Variants in SHROOM3 observed in about 807,000 individuals in gnomAD.
The protein encoded by SHROOM3 is shroom family member 3.
In SHROOM3, 47 loss-of-function variants were observed where a neutral mutation model predicts 138.6. That is an observed-to-expected ratio of 0.34 (90% CI 0.27 to 0.43). The LOEUF (loss-of-function observed/expected upper bound fraction) is 0.43. Ranked by LOEUF, SHROOM3 falls within the 20% of genes least tolerant of loss-of-function variation. SHROOM3 has a pLI of 1.00. For missense variants in SHROOM3, 2,491 were observed against 2,596.5 expected (o/e 0.96, Z 0.88); for synonymous variants, 1,062 against 1,063.3 (o/e 1.00, Z 0.02).
intron 2 of SHROOM3, among the ~76,000 whole-genome samples, chr4:76,685,461 C>CA (rs1338341635): frequency 6.6e-6 from 1 of 152,082 alleles, no homozygotes; most frequent in African/African-American, 2.4e-5. Context: ...TATCCTGGGC[C>CA]ACATGCGGCC....
chr4:76,763,365 C>T (rs1203309135), intron 9 of SHROOM3, among the ~76,000 whole-genome samples: 4 of 150,898 alleles, frequency 2.7e-5, no homozygotes, highest in Admixed American at 6.6e-5. Context: ...CCAGACTGGG[C>T]GACAGAGCGA....
At chr4:76,526,722 G>A (rs1437194222) in intron 1 of SHROOM3, among the ~76,000 whole-genome samples, 3 of 152,162 alleles carry the variant, frequency 2.0e-5, no homozygotes, top group Non-Finnish European at 4.4e-5. Flanking sequence ...CCTGTCCACT[G>A]GCTTGTTCTA....
intron 1 of SHROOM3, 123 bp downstream of exon 1, chr4:76,436,343 CTGAT>C (rs1425111339): frequency 4.8e-6 from 5 of 1,042,180 alleles, no homozygotes; most frequent in East Asian, 5.1e-5. Flanking sequence ...TCATGCCTTT[CTGAT>C]TATCTAGAAA....
At chr4:76,656,329 C>T (rs764064822) in intron 2 of SHROOM3, among the ~76,000 whole-genome samples, 8 of 152,106 alleles carry the variant, frequency 5.3e-5, no homozygotes, top group Non-Finnish European at 1.2e-4. Flanking sequence ...CAGTTCACAC[C>T]CAGTCCAATT....
intron 1 of SHROOM3, among the ~76,000 whole-genome samples, chr4:76,539,545 T>C (rs1733055283): frequency 6.6e-6 from 1 of 152,236 alleles, no homozygotes; most frequent in Admixed American, 6.5e-5. Context: ...TGAAAGTAGC[T>C]AACATTTATT....
At chr4:76,588,195 G>A (rs1577903055) in intron 2 of SHROOM3, among the ~76,000 whole-genome samples, 1 of 152,160 alleles carries the variant, frequency 6.6e-6, no homozygotes, top group African/African-American at 2.4e-5. Flanking sequence ...GAAAGCCCTT[G>A]TTCAGGTCTG....
At chr4:76,494,927 CA>C in intron 1 of SHROOM3, among the ~76,000 whole-genome samples, 1 of 152,322 alleles carries the variant, frequency 6.6e-6, no homozygotes, top group Non-Finnish European at 1.5e-5. Flanking sequence ...AACAAACAAA[CA>C]AACAAACTCT....
chr4:76,710,846 C>T (rs997303905), intron 3 of SHROOM3, among the ~76,000 whole-genome samples: 11 of 152,114 alleles, frequency 7.2e-5, no homozygotes, highest in African/African-American at 2.7e-4. Flanking sequence ...CGGGCTATCT[C>T]ATTAAATTCT....
chr4:76,705,646 A>G (rs1478507856), intron 2 of SHROOM3, among the ~76,000 whole-genome samples: 1 of 152,248 alleles, frequency 6.6e-6, no homozygotes, highest in Non-Finnish European at 1.5e-5. Flanking sequence ...TTTCTTGTTT[A>G]ACTATCTGGA....
chr4:76,505,481 A>C (rs1732189918), intron 1 of SHROOM3, among the ~76,000 whole-genome samples: 1 of 152,144 alleles, frequency 6.6e-6, no homozygotes, highest in African/African-American at 2.4e-5. Context: ...ATACATCCAT[A>C]CATACAATTG....
chr4:76,766,916 A>G (rs1197785668), intron 9 of SHROOM3, among the ~76,000 whole-genome samples: 2 of 152,184 alleles, frequency 1.3e-5, no homozygotes, highest in African/African-American at 4.8e-5. Context: ...GCAAATATTA[A>G]TAACTTTCCA....
At chr4:76,473,716 G>T (rs779697666) in intron 1 of SHROOM3, among the ~76,000 whole-genome samples, 71 of 152,124 alleles carry the variant, frequency 4.7e-4, no homozygotes, top group Non-Finnish European at 9.3e-4. Flanking sequence ...ATGAAAAGAT[G>T]CTCAATATCA....
intron 2 of SHROOM3, among the ~76,000 whole-genome samples, chr4:76,622,394 G>A (rs966298739): frequency 6.6e-6 from 1 of 151,848 alleles, no homozygotes; most frequent in African/African-American, 2.4e-5. Flanking sequence ...TCTCAGCAAC[G>A]GAACATTCTT....
At chr4:76,556,426 C>T (rs1281852777) in intron 2 of SHROOM3, among the ~76,000 whole-genome samples, 1 of 152,152 alleles carries the variant, frequency 6.6e-6, no homozygotes, top group Non-Finnish European at 1.5e-5. Flanking sequence ...TTAATCTGCA[C>T]ATGAACCCCA....
chr4:76,582,131 T>A (rs745638134), intron 2 of SHROOM3, among the ~76,000 whole-genome samples: 62 of 152,124 alleles, frequency 4.1e-4, no homozygotes, highest in Admixed American at 1.2e-3. Context: ...GCAGAAGCAA[T>A]AAATAACAAA....
intron 4 of SHROOM3, among the ~76,000 whole-genome samples, chr4:76,735,858 A>ATATATAT (rs1721037231): frequency 1.9e-5 from 1 of 52,940 alleles, no homozygotes; most frequent in Admixed American, 2.4e-4. Flanking sequence ...AAAAAAAAAA[A>ATATATAT]AAAAAAAAAA....
rs899950198 is a variant in SHROOM3 at position 76,542,586 on chromosome 4, T to C, written c.169-13023T>C. Among the ~76,000 whole-genome samples, 9 of 152,206 alleles carry C rather than the reference T, an allele frequency of 5.9e-5. 1 individual carries two copies. In the South Asian group the frequency reaches 1.7e-3, roughly 28 times the overall value. On this transcript the variant is annotated intron_variant, in intron 1 of 10. Coordinates refer to ENST00000296043, the MANE Select transcript of SHROOM3 (RefSeq NM_020859.4). ...TGATGGCCATTGCTGGCTTTGAAGA[T>C]GAAAGAAGCCGTAAGTTAGGTCTGT... is the stretch of plus-strand genomic sequence containing the variant.
chr4:76,568,039 C>G (rs1560548619), intron 2 of SHROOM3, among the ~76,000 whole-genome samples: 1 of 152,120 alleles, frequency 6.6e-6, no homozygotes, highest in African/African-American at 2.4e-5. Context: ...TATCCTCACA[C>G]CCTTCTAATC....
chr4:76,671,834 T>A lies in SHROOM3; in HGVS notation c.324-38322T>A, dbSNP rs138313681. Among the ~76,000 whole-genome samples the A allele has an allele frequency of 4.2e-4, 64 of 152,340 alleles. No homozygotes were observed. In the East Asian group the frequency reaches 0.011, roughly 27 times the overall value. ...AGAAGTGTTTTGGATTTCAGATTTTTAAAAATTTTTTTTGGATTTTGATAT... is the reference window on the plus strand; with the variant it reads ...AGAAGTGTTTTGGATTTCAGATTTTAAAAAATTTTTTTTGGATTTTGATAT... On this transcript the variant is annotated intron_variant, in intron 2 of 10. Transcript: ENST00000296043.
Sources: allele counts gnomAD v4.1 joint callset (sites outside exome capture counted in the v4.1 genomes callset), GRCh38; gene constraint gnomAD v4.1.1; transcripts MANE v1.5; gene names NCBI Gene and HGNC (gene_info 2026-07-23, HGNC 2026-07-21).